The following COPZ1 variants were observed in gnomAD, a reference collection of about 807,000 sequenced individuals.
COPZ1 encodes the protein coatomer subunit zeta-1.
In COPZ1, 4 loss-of-function variants were observed where a neutral mutation model predicts 31.7. The ratio of observed to expected loss-of-function variants is 0.13; its 90% CI spans 0.06 to 0.29. COPZ1 has a LOEUF of 0.29. Among genes scored for constraint, COPZ1 ranks in the 10% least tolerant of loss-of-function variants. The probability of loss-of-function intolerance (pLI) is 1.00; values close to 1 mark genes in which losing one functional copy is unlikely to be tolerated. For synonymous variants in COPZ1, 74 were observed against 79.0 expected (o/e 0.94, Z 0.33); for missense variants, 156 against 211.5 (o/e 0.74, Z 1.63).
At chr12:54,326,117 G>A (rs1412640079) in intron 1 of COPZ1, among the ~76,000 whole-genome samples, 1 of 129,822 alleles carries the variant, frequency 7.7e-6, no homozygotes, top group East Asian at 2.6e-4. Context: ...CACCGCGCCT[G>A]GCCAGGAATT....
chr12:54,328,503 T>G (rs1221579744), intron 1 of COPZ1, among the ~76,000 whole-genome samples: 2 of 151,892 alleles, frequency 1.3e-5, no homozygotes, highest in Non-Finnish European at 1.5e-5. Context: ...GAGGCAGAGG[T>G]CGCGGTGAGC....
At chr12:54,344,751 C>CAA (rs746930129) in intron 4 of COPZ1, 9 of 123,244 alleles carry the variant, frequency 7.3e-5, no homozygotes, top group African/African-American at 1.2e-4. Context: ...GCCAGACTCT[C>CAA]AAAAAAAAAA....
intron 7 of COPZ1, 87 bp from the exon 8 acceptor site, chr12:54,349,533 T>G: frequency 9.5e-7 from 1 of 1,047,666 alleles, no homozygotes; most frequent in Non-Finnish European, 1.5e-6. Context: ...GTTTAAAGGA[T>G]CACTTTTTTC....
chr12:54,336,657 T>C (rs2137095393), intron 1 of COPZ1, among the ~76,000 whole-genome samples: 1 of 151,942 alleles, frequency 6.6e-6, no homozygotes, highest in African/African-American at 2.4e-5. Context: ...GGAATGACTC[T>C]TTCCCTCTAG....
intron 4 of COPZ1, 100 bp downstream of exon 4, chr12:54,343,416 C>T: frequency 1.0e-6 from 1 of 975,308 alleles, no homozygotes; most frequent in East Asian, 2.4e-5. Flanking sequence ...CCGTGTTCCT[C>T]TGGCTTCTGA....
chr12:54,340,394 T>C, intron 1 of COPZ1, 153 bp from the exon 2 acceptor site: 1 of 1,266,972 alleles, frequency 7.9e-7, no homozygotes, highest in Non-Finnish European at 1.1e-6. Flanking sequence ...TCTTTCTCAA[T>C]GGGAAATATC....
In COPZ1 at chr12:54,325,201, C is replaced by T. The variant is rs1047469421; in HGVS notation, c.18+20C>T. On this transcript the variant is annotated intron_variant, in intron 1 of 8. Coordinates refer to ENST00000262061, the MANE Select transcript of COPZ1 (RefSeq NM_016057.3). ...ATTTTGGTAGGAGCTGGAGGGGCAG[C>T]AGAGATGCTGTGGTGTCCACAGGGG... The T allele has an allele frequency of 1.9e-6, 3 of 1,556,836 alleles. No individual in the cohort carries two copies. Among genetic ancestry groups the T allele is most frequent in the South Asian group, 2.4e-5 (2 of 84,464 alleles).
At chr12:54,334,110 T>C (rs974480012) in intron 1 of COPZ1, among the ~76,000 whole-genome samples, 1 of 151,752 alleles carries the variant, frequency 6.6e-6, no homozygotes, top group African/African-American at 2.4e-5. Flanking sequence ...AAATCTGATA[T>C]AGGCTGGGCG....
intron 5 of COPZ1, chr12:54,346,583 T>C: frequency 1.4e-6 from 1 of 700,878 alleles, no homozygotes; most frequent in Non-Finnish European, 2.6e-6. Context: ...TTTTTTTGAC[T>C]TCTAGTCCTT....
intron 1 of COPZ1, among the ~76,000 whole-genome samples, chr12:54,338,073 C>T (rs1239616737): frequency 1.3e-5 from 2 of 152,136 alleles, no homozygotes; most frequent in African/African-American, 4.8e-5. Flanking sequence ...TCTTTGGGTT[C>T]TAGGGATGCC....
chr12:54,348,149 A>G (rs1954095519), intron 7 of COPZ1, 98 bp downstream of exon 7: 1 of 1,012,808 alleles, frequency 9.9e-7, no homozygotes, highest in African/African-American at 1.6e-5. Context: ...GGCTCATAGG[A>G]TACATACAAC....
chr12:54,332,193 G>A (rs984555698), intron 1 of COPZ1, among the ~76,000 whole-genome samples: 1 of 151,992 alleles, frequency 6.6e-6, no homozygotes, highest in Non-Finnish European at 1.5e-5. Context: ...ATGGTGTCAC[G>A]CGCCTGTAAT....
chr12:54,335,065 T>A (rs1420876513), intron 1 of COPZ1, among the ~76,000 whole-genome samples: 1 of 151,516 alleles, frequency 6.6e-6, no homozygotes, highest in Non-Finnish European at 1.5e-5. Flanking sequence ...TCCCAGCTAC[T>A]GAGGAGGCTG....
intron 3 of COPZ1, chr12:54,342,506 T>A (rs1207848144): frequency 1.8e-6 from 1 of 558,524 alleles, no homozygotes; most frequent in Non-Finnish European, 3.2e-6. Context: ...ACCTGTCTAG[T>A]CCCTGGATTT....
At chr12:54,343,677 A>G (rs755651099) in intron 4 of COPZ1, among the ~76,000 whole-genome samples, 16 of 152,166 alleles carry the variant, frequency 1.1e-4, no homozygotes, top group Non-Finnish European at 1.9e-4. Context: ...TTAGCTAACA[A>G]CCTGGGTCAT....
rs538216935 is a variant in COPZ1 at position 54,345,344 on chromosome 12, G to A, written c.262-116G>A. On this transcript the variant is annotated intron_variant, in intron 4 of 8. Transcript: ENST00000262061. ...GCTCTCACTTCCACTTTATGTTTTT[G>A]GTCCTTTGTGAAAGCCTGTGTCTTT... 1.9e-4 allele frequency: 124 copies of A among 660,814 alleles called. No homozygotes were observed. The South Asian group carries it at 2.3e-3, about 12-fold the overall frequency. The allele number at this position is 660,814 out of a possible 1,614,324, so 40.9% of individuals were successfully genotyped here.
intron 4 of COPZ1, 28 bp from the exon 5 acceptor site, chr12:54,345,432 T>C: frequency 6.3e-7 from 1 of 1,599,656 alleles, no homozygotes. Flanking sequence ...TTGAACCTTA[T>C]CCTTCTGCCT....
intron 1 of COPZ1, among the ~76,000 whole-genome samples, chr12:54,331,383 G>A (rs1953751581): frequency 6.6e-6 from 1 of 152,002 alleles, no homozygotes; most frequent in Admixed American, 6.6e-5. Context: ...GTTTCGCCAT[G>A]TTGGCCAAGC....
chr12:54,347,972 A>G lies in COPZ1; in HGVS notation c.396-28A>G, dbSNP rs760314022. ...TGAGTTGGGCCTTCGGGACAGAGTG[A>G]ACAATGATCTCTTCTTTGTTTTTGC... On this transcript the variant is annotated intron_variant, in intron 6 of 8. Transcript: ENST00000262061. The G allele has an allele frequency of 9.9e-6, 16 of 1,613,244 alleles. No individual in the cohort carries two copies. The South Asian group carries it at 1.8e-4, about 18-fold the overall frequency.
Sources: allele counts gnomAD v4.1 joint callset (sites outside exome capture counted in the v4.1 genomes callset), GRCh38; gene constraint gnomAD v4.1.1; transcripts MANE v1.5; gene names NCBI Gene and HGNC (gene_info 2026-07-23, HGNC 2026-07-21).